Variants in BTF3 observed in about 807,000 individuals in gnomAD.
BTF3 encodes basic transcription factor 3.
A neutral mutation model predicts 23.9 loss-of-function variants in BTF3; 12 were observed. That is an observed-to-expected ratio of 0.50 (90% CI 0.32 to 0.81). The LOEUF (loss-of-function observed/expected upper bound fraction) is 0.81, where lower values mean the gene tolerates loss of function less well. Among genes scored for constraint, BTF3 ranks in the 40% least tolerant of loss-of-function variants. The pLI is 0.03. For synonymous variants in BTF3, 96 were observed against 94.8 expected, an observed-to-expected ratio of 1.01 and a Z score of -0.07; for missense variants, 215 against 255.9, an observed-to-expected ratio of 0.84 and a Z score of 1.09.
At chr5:73,499,540 A>G (rs1746383585) in intron 2 of BTF3, 17 of 393,298 alleles carry the variant, frequency 4.3e-5, no homozygotes, top group South Asian at 3.7e-4. Flanking sequence ...TTTTGGCCTG[A>G]GTTTTCTAAA....
At chr5:73,498,896 G>A in intron 1 of BTF3, 97 bp downstream of exon 1, 1 of 1,465,680 alleles carries the variant, frequency 6.8e-7, no homozygotes, top group Non-Finnish European at 9.0e-7. Flanking sequence ...GCCAGGCGTG[G>A]GGTAGAGCCT....
Position 73,498,639 on chromosome 5 carries a change from G to C in BTF3, c.-29G>C. 6.8e-7 allele frequency: 1 copy of C among 1,470,102 alleles called. No individual in the cohort carries two copies. The highest frequency in any genetic ancestry group is 8.9e-7 in the Non-Finnish European group (1 of 1,120,172). The allele number at this position is 1,470,102 out of a possible 1,614,324, so 91.1% of individuals were successfully genotyped here. On this transcript the variant is annotated 5_prime_UTR_variant, in exon 1 of 6. Transcript: ENST00000380591. ...GTTCCCTGAAGGAGCGAGACAGGGA[G>C]GGACAGGGCAGAGGAGGAGAGGAAG...
chr5:73,498,852 G>A, intron 1 of BTF3, 53 bp downstream of exon 1: 1 of 1,494,982 alleles, frequency 6.7e-7, no homozygotes, highest in Non-Finnish European at 8.8e-7. Flanking sequence ...TGGCTAGGCC[G>A]AGGCCAGGCC....
chr5:73,504,584 G>T, intron 5 of BTF3, 181 bp downstream of exon 5: 1 of 440,108 alleles, frequency 2.3e-6, no homozygotes, highest in Non-Finnish European at 4.1e-6. Context: ...ACTTGACTTG[G>T]CTTGTTTCTG....
chr5:73,498,854 G>T lies in BTF3; in HGVS notation c.132+55G>T, dbSNP rs1482109418. The stretch of plus-strand genomic sequence containing the variant: ...GCCGGGCAGGCCCTGGCTAGGCCGA[G>T]GCCAGGCCAGGGCCAGGGGTGGGGG... On this transcript the variant is annotated intron_variant, in intron 1 of 5. Coordinates refer to ENST00000380591, the MANE Select transcript of BTF3 (RefSeq NM_001037637.2). 4.7e-6 allele frequency: 7 copies of T among 1,494,948 alleles called. No individual in the cohort carries two copies. The South Asian group carries it at 5.1e-5, about 11-fold the overall frequency. The allele number at this position is 1,494,948 out of a possible 1,614,324, so 92.6% of individuals were successfully genotyped here.
In BTF3 at chr5:73,505,371, C is replaced by T; in HGVS notation, c.*133C>T. The T allele has an allele frequency of 1.4e-6, 1 of 719,036 alleles. No individual in the cohort carries two copies. The highest frequency in any genetic ancestry group is 1.9e-5 in the South Asian group (1 of 51,776). 44.5% of individuals were successfully genotyped at this position (719,036 alleles called of 1,614,324 possible). A position where few individuals can be genotyped will look rare whatever the true frequency, so the allele number is the denominator to read the frequency against. On this transcript the variant is annotated 3_prime_UTR_variant, in exon 6 of 6. Coordinates refer to ENST00000380591, the MANE Select transcript of BTF3 (RefSeq NM_001037637.2). ...GATCTCTAATATTTTTAAGCCCAAG[C>T]CCCTTGGACACTGCAGCTCTTTTCA... is the stretch of plus-strand genomic sequence containing the variant.
At chr5:73,504,713 T>C (rs943001059) in intron 5 of BTF3, 28 of 216,654 alleles carry the variant, frequency 1.3e-4, no homozygotes, top group African/African-American at 6.2e-4. Context: ...TGCTCCCTAC[T>C]TTGAAACTCA....
chr5:73,499,308 T>C (rs770906375), intron 2 of BTF3, 106 bp downstream of exon 2: 4 of 1,263,580 alleles, frequency 3.2e-6, no homozygotes, highest in Non-Finnish European at 4.5e-6. Flanking sequence ...AAACTTTGCC[T>C]ATCGAGGGAA....
Position 73,498,549 on chromosome 5 carries a change from C to G in BTF3, c.-119C>G. The G allele has an allele frequency of 7.3e-7, 1 of 1,372,938 alleles. No homozygotes were observed. The highest frequency in any genetic ancestry group is 1.5e-5 in the African/African-American group (1 of 65,110). 85.0% of individuals were successfully genotyped at this position (1,372,938 alleles called of 1,614,324 possible). A position where few individuals can be genotyped will look rare whatever the true frequency, so the allele number is the denominator to read the frequency against. Reference sequence around the variant, plus strand: ...AGTCCCCCGCGCGGCCCCTTATTCGCTCCGACAAGGTACAAAAAGGCTCTG... The same window carrying G: ...AGTCCCCCGCGCGGCCCCTTATTCGGTCCGACAAGGTACAAAAAGGCTCTG... On this transcript the variant is annotated 5_prime_UTR_variant, in exon 1 of 6. Coordinates refer to ENST00000380591, the MANE Select transcript of BTF3 (RefSeq NM_001037637.2).
intron 4 of BTF3, among the ~76,000 whole-genome samples, chr5:73,504,050 T>G (rs1746498767): frequency 6.6e-6 from 1 of 152,196 alleles, no homozygotes; most frequent in African/African-American, 2.4e-5. Context: ...TTACCTGCAC[T>G]CTAAGAGTTC....
chr5:73,498,815 C>G lies in BTF3; in HGVS notation c.132+16C>G. 1 of 1,503,364 alleles carries G rather than the reference C, an allele frequency of 6.7e-7. No individual in the cohort carries two copies. Among genetic ancestry groups the G allele is most frequent in the Non-Finnish European group, 8.8e-7 (1 of 1,136,310 alleles). The allele number at this position is 1,503,364 out of a possible 1,614,324, so 93.1% of individuals were successfully genotyped here. On this transcript the variant is annotated intron_variant, in intron 1 of 5. Coordinates refer to ENST00000380591, the MANE Select transcript of BTF3 (RefSeq NM_001037637.2). ...GGAGCCTCAGGTACCGCGAGGCTTGCGGAGAGTGGCCGGGCCGGGCAGGCC... is the reference window on the plus strand; with the variant it reads ...GGAGCCTCAGGTACCGCGAGGCTTGGGGAGAGTGGCCGGGCCGGGCAGGCC...
chr5:73,498,678 C>G lies in BTF3; in HGVS notation c.11C>G (p.Thr4Arg). The change falls in exon 1 of 6, where the codon ACA becomes AGA. Residue 4 changes from threonine to arginine, a missense_variant. By Grantham distance (71) the Thr-to-Arg change is moderately conservative. Transcript: ENST00000380591. MRR[T>R]GAPAQADSRG... is the part of the protein sequence containing the mutation. ...GAGGAGAGGAAGGCGATGCGACGGA[C>G]AGGCGCACCCGCTCAGGCTGACTCT... is the stretch of plus-strand genomic sequence containing the variant. 1 of 1,497,896 alleles carries G rather than the reference C, an allele frequency of 6.7e-7. No individual in the cohort carries two copies. The highest frequency in any genetic ancestry group is 8.8e-7 in the Non-Finnish European group (1 of 1,132,286). 92.8% of individuals were successfully genotyped at this position (1,497,896 alleles called of 1,614,324 possible).
intron 2 of BTF3, 35 bp downstream of exon 2, chr5:73,499,237 TTTTA>T: frequency 6.2e-7 from 1 of 1,602,344 alleles, no homozygotes; most frequent in Non-Finnish European, 8.5e-7. Flanking sequence ...TGGGTTTTTT[TTTTA>T]AGGTTTAGGT....
chr5:73,502,671 T>G, intron 3 of BTF3, 70 bp downstream of exon 3: 1 of 1,028,496 alleles, frequency 9.7e-7, no homozygotes, highest in Non-Finnish European at 1.3e-6. Context: ...ATGCATTAAA[T>G]GGGTTGTTTT....
In BTF3 at chr5:73,504,372, T is replaced by C; in HGVS notation, c.543T>C (p.Ala181=). 1.3e-6 allele frequency: 2 copies of C among 1,593,612 alleles called. No individual in the cohort carries two copies. Among genetic ancestry groups the C allele is most frequent in the Admixed American group, 1.7e-5 (1 of 57,896 alleles). Residue 181 remains alanine (A), a synonymous_variant, in exon 5 of 6, where the codon GCT becomes GCC. Coordinates refer to ENST00000380591, the MANE Select transcript of BTF3 (RefSeq NM_001037637.2). ...KQSVDGKAPL[A]TGEDDDDEVP... ...CTGTGGATGGAAAAGCACCACTTGCTACTGGAGAGGATGATGATGATGAAG... is the reference window on the plus strand; with the variant it reads ...CTGTGGATGGAAAAGCACCACTTGCCACTGGAGAGGATGATGATGATGAAG...
chr5:73,502,284 A>G (rs1746455661), intron 2 of BTF3, among the ~76,000 whole-genome samples: 2 of 152,160 alleles, frequency 1.3e-5, no homozygotes, highest in African/African-American at 2.4e-5. Context: ...AAAAAGTAGA[A>G]CTTTGAAAAG....
chr5:73,498,774 G>T lies in BTF3; in HGVS notation c.107G>T (p.Gly36Val). ...ACGCTGTCTCAACCTCCACCTCGCG[G>T]CGGAACCCGAGGACAGGAGCCTCAG... is the stretch of plus-strand genomic sequence containing the variant. ...EATLSQPPPR[G>V]GTRGQEPQMK... The change falls in exon 1 of 6, where the codon GGC becomes GTC. Residue 36 changes from glycine (G) to valine (V), a missense_variant. Physicochemically the swap from Gly to Val is moderately radical, Grantham distance 109. Transcript: ENST00000380591. 6.6e-7 allele frequency: 1 copy of T among 1,506,052 alleles called. No homozygotes were observed. Among genetic ancestry groups the T allele is most frequent in the Non-Finnish European group, 8.8e-7 (1 of 1,136,842 alleles). The allele number at this position is 1,506,052 out of a possible 1,614,324, so 93.3% of individuals were successfully genotyped here.
At chr5:73,501,684 G>A (rs762225114) in intron 2 of BTF3, among the ~76,000 whole-genome samples, 2 of 152,124 alleles carry the variant, frequency 1.3e-5, no homozygotes, top group Non-Finnish European at 2.9e-5. Context: ...GAAGAGGGAT[G>A]GTAGCAGATG....
intron 2 of BTF3, among the ~76,000 whole-genome samples, chr5:73,500,944 T>G (rs887866049): frequency 4.0e-5 from 6 of 151,630 alleles, no homozygotes; most frequent in Non-Finnish European, 8.8e-5. Flanking sequence ...TTTTTTTTTT[T>G]GTAGCCATAG....
Sources: gnomAD v4.1 joint callset for allele counts (sites outside exome capture counted in the v4.1 genomes callset) on GRCh38, gnomAD v4.1.1 for gene constraint, MANE v1.5 for transcripts, NCBI Gene and HGNC (gene_info 2026-07-23, HGNC 2026-07-21) for gene names.